The following SEC24D variants were observed in gnomAD, a reference collection of about 807,000 sequenced individuals.
SEC24D encodes SEC24 homolog D, COPII component.
A neutral mutation model predicts 116.9 loss-of-function variants in SEC24D; 69 were observed. The ratio of observed to expected loss-of-function variants is 0.59; its 90% CI spans 0.49 to 0.72. The LOEUF (loss-of-function observed/expected upper bound fraction) is 0.72, where lower values mean the gene tolerates loss of function less well. SEC24D is among the 30% of genes least tolerant of loss of function. SEC24D has a pLI of 0.00. For missense variants in SEC24D, 1,131 were observed against 1,264.1 expected (o/e 0.89, Z 1.60); for synonymous variants, 405 against 442.8 (o/e 0.91, Z 1.07).
rs115086977 is a variant in SEC24D at position 118,816,750 on chromosome 4, T to G, written c.397+514A>C. ...GGAGCTTTCCATGACTCACAGGATATACAGCATTTCTGTTGATGTAAATCT... is the reference window on the plus strand; with the variant it reads ...GGAGCTTTCCATGACTCACAGGATAGACAGCATTTCTGTTGATGTAAATCT... On this transcript the variant is annotated intron_variant, in intron 4 of 22. Transcript: ENST00000280551. 2,488 of 454,088 alleles carry G rather than the reference T, an allele frequency of 5.5e-3. 43 individuals carry two copies. The highest frequency in any genetic ancestry group is 0.046 in the African/African-American group (2,283 of 50,132). 28.1% of individuals were successfully genotyped at this position (454,088 alleles called of 1,614,324 possible). A position where few individuals can be genotyped will look rare whatever the true frequency, so the allele number is the denominator to read the frequency against.
chr4:118,724,845 G>A (rs298991), intron 22 of SEC24D, among the ~76,000 whole-genome samples: 96,646 of 152,102 alleles, frequency 0.64, 31,859 homozygotes, highest in Non-Finnish European at 0.72. Context: ...CCTGCCTCCT[G>A]TGTAATTAAG....
At chr4:118,785,106 G>C (rs1273327699) in intron 8 of SEC24D, among the ~76,000 whole-genome samples, 4 of 152,064 alleles carry the variant, frequency 2.6e-5, no homozygotes, top group African/African-American at 9.7e-5. Flanking sequence ...CCTCGCCTTA[G>C]TTTGGCATTT....
rs1056062720 is a variant in SEC24D at position 118,723,302 on chromosome 4, C to G, written c.*213G>C. On this transcript the variant is annotated 3_prime_UTR_variant, in exon 23 of 23. Coordinates refer to ENST00000280551, the MANE Select transcript of SEC24D (RefSeq NM_014822.4). The stretch of plus-strand genomic sequence containing the variant: ...TTTTAAAAATTAGAAACTGTGCAAT[C>G]AGAAACAGATTGTTCCCTTTATGGT... 2 of 445,012 alleles carry G rather than the reference C, an allele frequency of 4.5e-6. No individual in the cohort carries two copies. The highest frequency in any genetic ancestry group is 7.8e-6 in the Non-Finnish European group (2 of 255,154). The allele number at this position is 445,012 out of a possible 1,614,324, so 27.6% of individuals were successfully genotyped here.
intron 8 of SEC24D, among the ~76,000 whole-genome samples, chr4:118,782,595 C>G (rs955574587): frequency 6.6e-6 from 1 of 152,238 alleles, no homozygotes; most frequent in Non-Finnish European, 1.5e-5. Context: ...GTTCTCAGAG[C>G]TCAAACACCG....
rs111882642 is a variant in SEC24D at position 118,739,681 on chromosome 4, C to T, written c.2239-394G>A. Among the ~76,000 whole-genome samples, 13 of 152,320 alleles carry T rather than the reference C, an allele frequency of 8.5e-5. 1 individual carries two copies. The highest frequency in any genetic ancestry group is 2.9e-4 in the African/African-American group (12 of 41,586). ...TTCTTAAAAACATACAACTAGCTTT[C>T]ACAATGGACTTAGGTCTTATGCTGA... is the stretch of plus-strand genomic sequence containing the variant. On this transcript the variant is annotated intron_variant, in intron 17 of 22. Transcript: ENST00000280551.
Position 118,815,129 on chromosome 4 carries a change from C to G in SEC24D, c.700G>C (p.Ala234Pro), listed in dbSNP as rs73842254. Residue 234 changes from alanine to proline, a missense_variant, in exon 6 of 23, where the codon GCA becomes CCA. Coordinates refer to ENST00000280551, the MANE Select transcript of SEC24D (RefSeq NM_014822.4). ...AAGCCTCCTGGGTAAGACAGTTGTG[C>G]GCCTGCCATCTGGGGACCAGAGTTG... ...QANSGPQMAGAQLSYPGGFPG... is the reference protein window; with the variant it reads ...QANSGPQMAGPQLSYPGGFPG... 15 of 1,613,944 alleles carry G rather than the reference C, an allele frequency of 9.3e-6. No homozygotes were observed. The Admixed American group carries it at 2.5e-4, about 27-fold the overall frequency.
At chr4:118,744,861 C>T in intron 14 of SEC24D, 83 bp downstream of exon 14, 2 of 755,384 alleles carry the variant, frequency 2.6e-6, no homozygotes, top group Non-Finnish European at 2.3e-6. Flanking sequence ...AGTTTCTCCC[C>T]TTTTTTCTTA....
chr4:118,807,550 T>C (rs1175477902), intron 6 of SEC24D, among the ~76,000 whole-genome samples: 5 of 150,454 alleles, frequency 3.3e-5, no homozygotes, highest in South Asian at 4.2e-4. Flanking sequence ...AAACAGGAAG[T>C]GTGTCCAGAC....
At chr4:118,793,466 CAAAAAAAAAAAA>C (rs70944815) in intron 8 of SEC24D, among the ~76,000 whole-genome samples, 11 of 69,290 alleles carry the variant, frequency 1.6e-4, no homozygotes, top group African/African-American at 4.3e-4. Flanking sequence ...GACTCCGTCT[CAAAAAAAAAAAA>C]AAAAAAAAAA....
chr4:118,799,145 G>A (rs1729313050), intron 7 of SEC24D, among the ~76,000 whole-genome samples: 1 of 152,210 alleles, frequency 6.6e-6, no homozygotes, highest in Admixed American at 6.5e-5. Context: ...GAGTAGAAGT[G>A]TTGAGATGTG....
chr4:118,756,371 AT>A (rs2110461478), intron 11 of SEC24D, among the ~76,000 whole-genome samples: 1 of 152,236 alleles, frequency 6.6e-6, no homozygotes, highest in African/African-American at 2.4e-5. Context: ...TCATTTTAGA[AT>A]TTAGTTTGAA....
intron 20 of SEC24D, 31 bp from the exon 21 acceptor site, chr4:118,731,538 C>G: frequency 6.3e-7 from 1 of 1,588,742 alleles, no homozygotes; most frequent in Non-Finnish European, 8.6e-7. Context: ...GAGTTAGAAA[C>G]TCCTTTCTTC....
chr4:118,824,477 C>T (rs1208381162), intron 3 of SEC24D, 143 bp downstream of exon 3: 1 of 825,438 alleles, frequency 1.2e-6, no homozygotes, highest in African/African-American at 1.8e-5. Flanking sequence ...TTTCCTAGGG[C>T]AGTTATCTAA....
chr4:118,772,151 C>A (rs1727932494), intron 8 of SEC24D, among the ~76,000 whole-genome samples: 1 of 152,100 alleles, frequency 6.6e-6, no homozygotes, highest in Admixed American at 6.6e-5. Flanking sequence ...TAAGAAAAAT[C>A]TGAATACCCA....
chr4:118,746,928 G>A (rs1257584049), intron 13 of SEC24D, among the ~76,000 whole-genome samples: 1 of 152,064 alleles, frequency 6.6e-6, no homozygotes, highest in Non-Finnish European at 1.5e-5. Flanking sequence ...ACTGAGAAGG[G>A]GTGTAACCTG....
intron 21 of SEC24D, 125 bp downstream of exon 21, chr4:118,731,187 ATTTC>A: frequency 1.3e-6 from 1 of 759,752 alleles, no homozygotes; most frequent in Non-Finnish European, 2.1e-6. Context: ...ACATGAAATT[ATTTC>A]TTTCATATAC....
chr4:118,729,719 G>A (rs1725590301), intron 21 of SEC24D: 1 of 152,312 alleles, frequency 6.6e-6, no homozygotes, highest in South Asian at 2.1e-4. Context: ...TTGCTTCTCA[G>A]CAAGAAGATG....
At chr4:118,743,495 T>C (rs1483629222) in intron 15 of SEC24D, among the ~76,000 whole-genome samples, 1 of 152,128 alleles carries the variant, frequency 6.6e-6, no homozygotes, top group East Asian at 1.9e-4. Flanking sequence ...CCTACACACA[T>C]TTTACGTGTC....
At chr4:118,728,678 G>C in intron 21 of SEC24D, 28 bp from the exon 22 acceptor site, 1 of 1,341,582 alleles carries the variant, frequency 7.5e-7, no homozygotes, top group Non-Finnish European at 1.1e-6. Flanking sequence ...CAAAGTTTTA[G>C]TACAGTTTAT....
Sources: gnomAD v4.1 joint callset for allele counts (sites outside exome capture counted in the v4.1 genomes callset) on GRCh38, gnomAD v4.1.1 for gene constraint, MANE v1.5 for transcripts, NCBI Gene and HGNC (gene_info 2026-07-23, HGNC 2026-07-21) for gene names.